The following EPHA3 variants were observed in gnomAD, a reference collection of about 807,000 sequenced individuals.
EPHA3 encodes the protein ephrin type-A receptor 3.
A neutral mutation model predicts 107.1 loss-of-function variants in EPHA3; 42 were observed. The ratio of observed to expected loss-of-function variants is 0.39; its 90% CI spans 0.31 to 0.51. EPHA3 has a LOEUF of 0.51. Ranked by LOEUF, EPHA3 falls within the 20% of genes least tolerant of loss-of-function variation. The pLI is 0.78. For missense variants in EPHA3, 1,183 were observed against 1,211.2 expected, an observed-to-expected ratio of 0.98 and a Z score of 0.35; for synonymous variants, 461 against 424.8, an observed-to-expected ratio of 1.09 and a Z score of -1.05.
At chr3:89,353,181 G>A (rs1291063889) in intron 5 of EPHA3, among the ~76,000 whole-genome samples, 1 of 151,038 alleles carries the variant, frequency 6.6e-6, no homozygotes, top group African/African-American at 2.4e-5. Flanking sequence ...TTAAACTATG[G>A]CCACCTATTG....
chr3:89,273,174 T>C (rs11929346), intron 3 of EPHA3, among the ~76,000 whole-genome samples: 41,190 of 151,784 alleles, frequency 0.27, 7,065 homozygotes, highest in African/African-American at 0.5. Context: ...ACTCTAGCCA[T>C]GTTCTTTTGA....
chr3:89,320,974 T>C (rs946617710), intron 3 of EPHA3, among the ~76,000 whole-genome samples: 1 of 151,972 alleles, frequency 6.6e-6, no homozygotes, highest in Non-Finnish European at 1.5e-5. Context: ...GAGGAAGAAA[T>C]GATGGGCTAT....
intron 3 of EPHA3, among the ~76,000 whole-genome samples, chr3:89,218,677 G>A (rs2107200044): frequency 6.6e-6 from 1 of 152,022 alleles, no homozygotes; most frequent in Non-Finnish European, 1.5e-5. Flanking sequence ...GGGTCAAATG[G>A]TATTTCTAGT....
At chr3:89,403,563 C>G (rs146096082) in intron 7 of EPHA3, among the ~76,000 whole-genome samples, 10 of 152,080 alleles carry the variant, frequency 6.6e-5, no homozygotes, top group African/African-American at 2.2e-4. Context: ...ATTTTCCTAG[C>G]ATGAAGGTAG....
Position 89,406,582 on chromosome 3 carries a change from A to G in EPHA3, c.1595-687A>G, listed in dbSNP as rs145016604. Among the ~76,000 whole-genome samples the G allele has an allele frequency of 2.1e-3, 316 of 152,328 alleles. 2 individuals are homozygous for G. Among genetic ancestry groups the G allele is most frequent in the Middle Eastern group, 6.8e-3 (2 of 294 alleles). ...TGTATTTATAGACAGCAAAATTTGA[A>G]TTTCCTAGATTTAGAATTTTCACAT... On this transcript the variant is annotated intron_variant, in intron 7 of 16. Coordinates refer to ENST00000336596, the MANE Select transcript of EPHA3 (RefSeq NM_005233.6).
At chr3:89,439,792 G>C (rs1057198410) in intron 13 of EPHA3, among the ~76,000 whole-genome samples, 1 of 151,116 alleles carries the variant, frequency 6.6e-6, no homozygotes, top group Non-Finnish European at 1.5e-5. Context: ...CTTACTCCCC[G>C]ATGTTTGCAT....
At chr3:89,467,745 AAGAG>A (rs896510203) in intron 15 of EPHA3, among the ~76,000 whole-genome samples, 28 of 152,332 alleles carry the variant, frequency 1.8e-4, no homozygotes, top group African/African-American at 6.5e-4. Context: ...TCTTAATAGA[AAGAG>A]AGAGAAAGAA....
At chr3:89,213,169 G>T (rs1704145626) in intron 3 of EPHA3, among the ~76,000 whole-genome samples, 1 of 151,976 alleles carries the variant, frequency 6.6e-6, no homozygotes, top group South Asian at 2.1e-4. Context: ...CTCTGGAACT[G>T]CAAGGTGCTC....
chr3:89,479,733 G>A lies in EPHA3; in HGVS notation c.*231G>A. 1 of 451,662 alleles carries A rather than the reference G, an allele frequency of 2.2e-6. No homozygotes were observed. The highest frequency in any genetic ancestry group is 4.0e-6 in the Non-Finnish European group (1 of 252,528). The allele number at this position is 451,662 out of a possible 1,614,324, so 28.0% of individuals were successfully genotyped here. On this transcript the variant is annotated 3_prime_UTR_variant, in exon 17 of 17. Coordinates refer to ENST00000336596, the MANE Select transcript of EPHA3 (RefSeq NM_005233.6). The stretch of plus-strand genomic sequence containing the variant: ...TTTGTAATTGCTTTTTTAAATATTA[G>A]TTAATGGATTAAATTTAATTCTTCA...
chr3:89,427,533 C>T (rs571238019), intron 11 of EPHA3, among the ~76,000 whole-genome samples: 2 of 151,998 alleles, frequency 1.3e-5, no homozygotes, highest in African/African-American at 2.4e-5. Flanking sequence ...ACTCAACTCA[C>T]GTCTTCTGGA....
intron 3 of EPHA3, among the ~76,000 whole-genome samples, chr3:89,280,856 TA>T (rs752464343): frequency 1.1e-4 from 16 of 152,094 alleles, no homozygotes; most frequent in Non-Finnish European, 2.1e-4. Flanking sequence ...GTAAAACAGC[TA>T]AAGTCTGTGA....
intron 3 of EPHA3, among the ~76,000 whole-genome samples, chr3:89,309,548 C>G (rs1167742957): frequency 6.6e-6 from 1 of 152,072 alleles, no homozygotes; most frequent in Non-Finnish European, 1.5e-5. Flanking sequence ...CTGCCATGTA[C>G]CCACACAGGC....
At chr3:89,369,328 C>A (rs1229998478) in intron 5 of EPHA3, among the ~76,000 whole-genome samples, 8 of 150,484 alleles carry the variant, frequency 5.3e-5, no homozygotes, top group Non-Finnish European at 1.2e-4. Context: ...CAGAACAGAG[C>A]CCTCAGAAAT....
At chr3:89,208,462 G>GAAAGAAAGAAAGAAAGAA (rs1553664803) in intron 2 of EPHA3, among the ~76,000 whole-genome samples, 2,257 of 104,188 alleles carry the variant, frequency 0.022, 152 homozygotes, top group African/African-American at 0.044. Flanking sequence ...AAGAAAGAAA[G>GAAAGAAAGAAAGAAAGAA]AAAGAAAGAA....
At chr3:89,243,157 A>G (rs575933807) in intron 3 of EPHA3, among the ~76,000 whole-genome samples, 5 of 152,070 alleles carry the variant, frequency 3.3e-5, no homozygotes, top group Non-Finnish European at 5.9e-5. Context: ...TCTATCATTG[A>G]TGGACATTTG....
At chr3:89,184,784 T>G (rs1247152535) in intron 2 of EPHA3, among the ~76,000 whole-genome samples, 1 of 151,922 alleles carries the variant, frequency 6.6e-6, no homozygotes, top group East Asian at 1.9e-4. Flanking sequence ...AAGATAATGA[T>G]GGGGAGTCAG....
chr3:89,209,553 A>G (rs1033978613), intron 2 of EPHA3, among the ~76,000 whole-genome samples: 11 of 152,172 alleles, frequency 7.2e-5, no homozygotes, highest in African/African-American at 2.4e-4. Flanking sequence ...AAATAATATT[A>G]TAGTGTCATT....
chr3:89,149,709 G>A (rs1307757004), intron 2 of EPHA3, among the ~76,000 whole-genome samples: 1 of 143,184 alleles, frequency 7.0e-6, no homozygotes, highest in African/African-American at 2.6e-5. Context: ...GTTCAATTCG[G>A]CATTACAAAA....
chr3:89,431,324 C>T lies in EPHA3; in HGVS notation c.2311C>T (p.Leu771=). ...TTCTGATTTCGGACTTTCGCGTGTCCTGGAGGATGACCCAGAAGCTGCTTA... is the reference window on the plus strand; with the variant it reads ...TTCTGATTTCGGACTTTCGCGTGTCTTGGAGGATGACCCAGAAGCTGCTTA... The part of the protein sequence containing the change: ...KVSDFGLSRV[L]EDDPEAAYTT... The change falls in exon 13 of 17, where the codon CTG becomes TTG. Residue 771 remains leucine, a synonymous_variant. Transcript: ENST00000336596. 6.2e-7 allele frequency: 1 copy of T among 1,613,476 alleles called. No individual in the cohort carries two copies.
Sources: gnomAD v4.1 joint callset for allele counts (sites outside exome capture counted in the v4.1 genomes callset) on GRCh38, gnomAD v4.1.1 for gene constraint, MANE v1.5 for transcripts, NCBI Gene and HGNC (gene_info 2026-07-23, HGNC 2026-07-21) for gene names.